Variants in ARSB observed in about 807,000 individuals in gnomAD.
ARSB encodes the protein N-acetylgalactosamine-4-sulfatase.
A neutral mutation model predicts 50.9 loss-of-function variants in ARSB; 41 were observed. The ratio of observed to expected loss-of-function variants is 0.81; its 90% confidence interval spans 0.63 to 1.04. The LOEUF (loss-of-function observed/expected upper bound fraction) is 1.04, where lower values mean the gene tolerates loss of function less well. Ranked by LOEUF, ARSB falls within the 50% of genes least tolerant of loss-of-function variation. The pLI is 0.00. For synonymous variants in ARSB, 269 were observed against 284.8 expected (o/e 0.94, Z 0.56); for missense variants, 672 against 693.3 (o/e 0.97, Z 0.35).
At chr5:78,889,426 A>C (rs576770174) in intron 4 of ARSB, among the ~76,000 whole-genome samples, 8 of 152,238 alleles carry the variant, frequency 5.3e-5, no homozygotes, top group Admixed American at 1.3e-4. Flanking sequence ...TCATTTCCTG[A>C]CTGACATATG....
Position 78,985,251 on chromosome 5 carries a change from T to C in ARSB, c.-3A>G. ...CTCGCCGCGCCGCGCGGACCCATCC[T>C]TGTCCGCCCGCGGTCCCAGCGCCTG... On this transcript the variant is annotated 5_prime_UTR_variant, in exon 1 of 8. Transcript: ENST00000264914. The C allele has an allele frequency of 7.7e-7, 1 of 1,306,212 alleles. No individual in the cohort carries two copies. The highest frequency in any genetic ancestry group is 2.3e-5 in the South Asian group (1 of 44,246). 80.9% of individuals were successfully genotyped at this position (1,306,212 alleles called of 1,614,324 possible).
chr5:78,946,088 C>A (rs1167019000), intron 4 of ARSB, among the ~76,000 whole-genome samples: 2 of 152,192 alleles, frequency 1.3e-5, no homozygotes, highest in East Asian at 3.8e-4. Context: ...AATGGTCAAT[C>A]AACTTGCGTT....
intron 4 of ARSB, among the ~76,000 whole-genome samples, chr5:78,915,198 C>T (rs926914887): frequency 1.3e-5 from 2 of 152,156 alleles, no homozygotes; most frequent in African/African-American, 4.8e-5. Flanking sequence ...TTCCTGGATA[C>T]CTTTTTGAGT....
chr5:78,871,088 C>T (rs953111810), intron 5 of ARSB, among the ~76,000 whole-genome samples: 1 of 148,484 alleles, frequency 6.7e-6, no homozygotes, highest in African/African-American at 2.5e-5. Context: ...GAATAAAATA[C>T]CTAGGAATCC....
chr5:78,938,428 G>T (rs1750735165), intron 4 of ARSB, among the ~76,000 whole-genome samples: 2 of 152,120 alleles, frequency 1.3e-5, no homozygotes, highest in South Asian at 4.1e-4. Flanking sequence ...CTGAGGCATG[G>T]GTTGTAATTT....
intron 6 of ARSB, among the ~76,000 whole-genome samples, chr5:78,819,850 G>A (rs1399781076): frequency 6.6e-6 from 1 of 152,256 alleles, no homozygotes; most frequent in African/African-American, 2.4e-5. Flanking sequence ...GAAGGGCCAA[G>A]TCAGCTCATG....
At chr5:78,881,195 G>C (rs1747732240) in intron 5 of ARSB, among the ~76,000 whole-genome samples, 1 of 151,870 alleles carries the variant, frequency 6.6e-6, no homozygotes, top group South Asian at 2.1e-4. Flanking sequence ...TCATATCACT[G>C]CACTCCAGTC....
At chr5:78,932,635 G>A (rs937659261) in intron 4 of ARSB, among the ~76,000 whole-genome samples, 3 of 152,148 alleles carry the variant, frequency 2.0e-5, no homozygotes, top group Non-Finnish European at 2.9e-5. Flanking sequence ...CTCCACTTAG[G>A]AAGTGCTATG....
intron 4 of ARSB, among the ~76,000 whole-genome samples, chr5:78,888,591 T>C (rs142712417): frequency 4.7e-4 from 72 of 152,376 alleles, no homozygotes; most frequent in African/African-American, 1.6e-3. Flanking sequence ...GTCCTTCAGT[T>C]GCACATATTT....
chr5:78,820,519 C>T (rs1744167916), intron 6 of ARSB, among the ~76,000 whole-genome samples: 1 of 151,976 alleles, frequency 6.6e-6, no homozygotes, highest in African/African-American at 2.4e-5. Flanking sequence ...CGAAATCGCA[C>T]CACTGCACTC....
At chr5:78,903,117 A>C (rs1425774590) in intron 4 of ARSB, among the ~76,000 whole-genome samples, 1 of 152,230 alleles carries the variant, frequency 6.6e-6, no homozygotes. Context: ...ATAATGGTGT[A>C]CCAGGGAGCA....
chr5:78,924,882 A>G (rs1445445738), intron 4 of ARSB, among the ~76,000 whole-genome samples: 2 of 152,196 alleles, frequency 1.3e-5, no homozygotes, highest in East Asian at 3.8e-4. Context: ...TTCTTTTCCA[A>G]AATGTGTCTC....
At chr5:78,829,972 C>T (rs1191768676) in intron 6 of ARSB, among the ~76,000 whole-genome samples, 2 of 152,142 alleles carry the variant, frequency 1.3e-5, no homozygotes, top group Non-Finnish European at 2.9e-5. Context: ...CTGGACACCA[C>T]CAAATCTTTA....
In ARSB at chr5:78,964,671, A is replaced by G. The variant is rs576092051; in HGVS notation, c.500-65T>C. On this transcript the variant is annotated intron_variant, in intron 2 of 7. Coordinates refer to ENST00000264914, the MANE Select transcript of ARSB (RefSeq NM_000046.5). ...AACTTGTTAAACAAACTAATGTTTC[A>G]GCATTTAATTGCCTAATGCAATTGA... 7.0e-5 allele frequency: 104 copies of G among 1,479,060 alleles called. No homozygotes were observed. The African/African-American group carries it at 1.3e-3, about 19-fold the overall frequency. 91.6% of individuals were successfully genotyped at this position (1,479,060 alleles called of 1,614,324 possible). A position where few individuals can be genotyped will look rare whatever the true frequency, so the allele number is the denominator to read the frequency against.
chr5:78,910,176 T>G (rs184876437), intron 4 of ARSB, among the ~76,000 whole-genome samples: 52 of 152,340 alleles, frequency 3.4e-4, no homozygotes, highest in African/African-American at 1.2e-3. Flanking sequence ...ATAGTGAAAA[T>G]AGTAATCAAT....
chr5:78,833,760 A>G (rs567729346), intron 6 of ARSB, among the ~76,000 whole-genome samples: 6 of 152,322 alleles, frequency 3.9e-5, no homozygotes, highest in South Asian at 4.1e-4. Flanking sequence ...CTATTTGTCT[A>G]TTGAGGAGGT....
chr5:78,870,563 C>A (rs1214394676), intron 5 of ARSB, among the ~76,000 whole-genome samples: 1 of 150,238 alleles, frequency 6.7e-6, no homozygotes, highest in African/African-American at 2.5e-5. Flanking sequence ...AAGACAAAAA[C>A]CACATGATTA....
At chr5:78,817,062 G>C (rs1233731414) in intron 6 of ARSB, 14 of 984,598 alleles carry the variant, frequency 1.4e-5, no homozygotes, top group Non-Finnish European at 1.7e-5. Flanking sequence ...GGAAATAAAT[G>C]CAGCAGCCCT....
At position 78,781,942 on chromosome 5, in the gene ARSB, C is replaced by T. The variant is rs914833400; in HGVS notation, c.1246G>A (p.Asp416Asn). ...PRNSMAPAKD[D>N]SSLPEYSAFN... ...GCTGAATATTCTGGAAGAGAAGAGT[C>T]ATCCTTTGCTGGAGCCATGCTGTTC... is the stretch of plus-strand genomic sequence containing the variant. The change falls in exon 7 of 8, where the codon GAC becomes AAC. Residue 416 changes from aspartate (D) to asparagine (N), a missense_variant. By Grantham distance (23) the Asp-to-Asn change is conservative (BLOSUM62 1). Transcript: ENST00000264914. 4.3e-6 allele frequency: 7 copies of T among 1,613,982 alleles called. No homozygotes were observed. The African/African-American group carries it at 8.0e-5, about 18-fold the overall frequency.
Sources: gnomAD v4.1 joint callset for allele counts (sites outside exome capture counted in the v4.1 genomes callset) on GRCh38, gnomAD v4.1.1 for gene constraint, MANE v1.5 for transcripts, NCBI Gene and HGNC (gene_info 2026-07-23, HGNC 2026-07-21) for gene names.